Variants in RASGRP1 observed in about 807,000 individuals in gnomAD.
The protein encoded by RASGRP1 is RAS guanyl releasing protein 1.
RASGRP1 carries 37 observed loss-of-function variants against 95.1 expected under a neutral mutation model. The observed-to-expected ratio is 0.39, with a 90% CI of 0.30 to 0.51. The LOEUF (loss-of-function observed/expected upper bound fraction) is 0.51. Ranked by LOEUF, RASGRP1 falls within the 20% of genes least tolerant of loss-of-function variation. The pLI is 0.80. For synonymous variants in RASGRP1, 325 were observed against 353.4 expected (o/e 0.92, Z 0.90); for missense variants, 711 against 965.4 (o/e 0.74, Z 3.49).
chr15:38,555,829 T>G (rs1408092348), intron 2 of RASGRP1, among the ~76,000 whole-genome samples: 1 of 152,186 alleles, frequency 6.6e-6, no homozygotes, highest in Non-Finnish European at 1.5e-5. Context: ...CACGTCTCAC[T>G]GGGAGTAGGA....
intron 1 of RASGRP1, among the ~76,000 whole-genome samples, chr15:38,562,046 T>TA (rs1329102654): frequency 6.6e-6 from 1 of 152,190 alleles, no homozygotes; most frequent in Non-Finnish European, 1.5e-5. Context: ...GCCAAGGTTA[T>TA]AAAACTCATA....
At chr15:38,563,459 C>T (rs1418193063) in intron 1 of RASGRP1, among the ~76,000 whole-genome samples, 1 of 152,166 alleles carries the variant, frequency 6.6e-6, no homozygotes, top group Non-Finnish European at 1.5e-5. Context: ...CCTCTCCAGG[C>T]ATAGGTATCT....
At chr15:38,557,601 ATGTGTGTGTGTG>A (rs5812045) in intron 2 of RASGRP1, among the ~76,000 whole-genome samples, 3 of 145,290 alleles carry the variant, frequency 2.1e-5, no homozygotes, top group African/African-American at 5.2e-5. Flanking sequence ...TTGTATATAT[ATGTGTGTGTGTG>A]TGTGTGTGTG....
intron 2 of RASGRP1, among the ~76,000 whole-genome samples, chr15:38,541,844 G>A (rs1892876157): frequency 6.6e-6 from 1 of 152,136 alleles, no homozygotes; most frequent in Non-Finnish European, 1.5e-5. Flanking sequence ...GTACAGTCAG[G>A]GCCTAGAGGG....
At chr15:38,505,763 T>A (rs1007568528) in intron 10 of RASGRP1, 77 bp downstream of exon 10, 1 of 1,161,808 alleles carries the variant, frequency 8.6e-7, no homozygotes, top group African/African-American at 1.5e-5. Flanking sequence ...TGAAAGTCTG[T>A]TCCTGAGGAT....
rs984083236 is a variant in RASGRP1, at chr15:38,512,647, G to A, written c.849+136C>T. 11 of 1,032,824 alleles carry A rather than the reference G, an allele frequency of 1.1e-5. No individual in the cohort carries two copies. The African/African-American group carries it at 1.3e-4, about 12-fold the overall frequency. 64.0% of individuals were successfully genotyped at this position (1,032,824 alleles called of 1,614,324 possible). ...TCACCATATCTAGATCTGGTTGAAG[G>A]CACACAAACCTCTCCACCCCCTCGC... On this transcript the variant is annotated intron_variant, in intron 7 of 16. Transcript: ENST00000310803.
intron 2 of RASGRP1, among the ~76,000 whole-genome samples, chr15:38,545,774 C>CA (rs1893082321): frequency 6.6e-6 from 1 of 152,186 alleles, no homozygotes; most frequent in African/African-American, 2.4e-5. Flanking sequence ...CTAAGGCCTG[C>CA]AGGCATCCTG....
chr15:38,503,031 C>T (rs1387466610), intron 11 of RASGRP1: 1 of 551,874 alleles, frequency 1.8e-6, no homozygotes, highest in Non-Finnish European at 3.2e-6. Flanking sequence ...AACTGACAAC[C>T]TTTAAGCATA....
At chr15:38,563,251 AGAAT>A (rs1340228762) in intron 1 of RASGRP1, among the ~76,000 whole-genome samples, 3 of 152,234 alleles carry the variant, frequency 2.0e-5, no homozygotes, top group Non-Finnish European at 4.4e-5. Context: ...AACAATCCAT[AGAAT>A]GAATGGCCTC....
intron 2 of RASGRP1, among the ~76,000 whole-genome samples, chr15:38,552,433 C>T (rs924969250): frequency 3.3e-5 from 5 of 152,192 alleles, no homozygotes; most frequent in African/African-American, 1.2e-4. Flanking sequence ...TAACAATGGG[C>T]TCTCCAGGGG....
At chr15:38,509,332 C>T (rs1891401012) in intron 8 of RASGRP1, among the ~76,000 whole-genome samples, 1 of 152,160 alleles carries the variant, frequency 6.6e-6, no homozygotes, top group Admixed American at 6.5e-5. Context: ...AATCTGATGA[C>T]CAAGACGGCT....
intron 5 of RASGRP1, 38 bp from the exon 6 acceptor site, chr15:38,516,388 A>G: frequency 6.3e-7 from 1 of 1,583,960 alleles, no homozygotes; most frequent in Non-Finnish European, 8.7e-7. Context: ...AGACAGGGAA[A>G]AGGAATAAAT....
intron 2 of RASGRP1, among the ~76,000 whole-genome samples, chr15:38,555,885 C>T (rs149604810): frequency 3.0e-4 from 45 of 152,170 alleles, no homozygotes; most frequent in Non-Finnish European, 5.6e-4. Context: ...TGGGGGGGCC[C>T]GTTCTGAGGC....
At chr15:38,501,344 C>T in intron 12 of RASGRP1, 57 bp from the exon 13 acceptor site, 1 of 1,578,722 alleles carries the variant, frequency 6.3e-7, no homozygotes, top group Non-Finnish European at 8.7e-7. Context: ...AGGCAGGTAG[C>T]AAGGGGGGGC....
At chr15:38,532,939 TGA>T (rs1348462482) in intron 2 of RASGRP1, among the ~76,000 whole-genome samples, 14 of 152,218 alleles carry the variant, frequency 9.2e-5, no homozygotes, top group African/African-American at 3.4e-4. Flanking sequence ...TGCTCCTTGC[TGA>T]TAAGAGGTGG....
At chr15:38,534,631 CAT>C (rs764227737) in intron 2 of RASGRP1, 2 of 152,220 alleles carry the variant, frequency 1.3e-5, no homozygotes, top group Non-Finnish European at 2.9e-5. Flanking sequence ...TGGCCAGGCT[CAT>C]CTCTTCTCTC....
chr15:38,508,603 T>A (rs1891362036), intron 8 of RASGRP1, among the ~76,000 whole-genome samples: 1 of 152,298 alleles, frequency 6.6e-6, no homozygotes, highest in Non-Finnish European at 1.5e-5. Context: ...TGACATTCCA[T>A]TCACAGACTA....
intron 2 of RASGRP1, among the ~76,000 whole-genome samples, chr15:38,530,371 A>T (rs865984973): frequency 5.3e-5 from 8 of 152,242 alleles, no homozygotes; most frequent in Admixed American, 2.6e-4. Flanking sequence ...TATAAAGTCA[A>T]AGGGCAGGAA....
chr15:38,557,849 A>G (rs971149805), intron 2 of RASGRP1, among the ~76,000 whole-genome samples: 5 of 152,080 alleles, frequency 3.3e-5, no homozygotes, highest in African/African-American at 9.7e-5. Flanking sequence ...TTTCAGTTCA[A>G]CATATTCCAG....
Sources: gnomAD v4.1 joint callset for allele counts (sites outside exome capture counted in the v4.1 genomes callset) on GRCh38, gnomAD v4.1.1 for gene constraint, MANE v1.5 for transcripts, NCBI Gene and HGNC (gene_info 2026-07-23, HGNC 2026-07-21) for gene names.